The following SIN3A variants were observed in gnomAD, a reference collection of about 807,000 sequenced individuals.
SIN3A encodes paired amphipathic helix protein Sin3a.
In SIN3A, 14 loss-of-function variants were observed where a neutral mutation model predicts 146.1. The observed-to-expected ratio is 0.10, with a 90% CI of 0.06 to 0.15. The LOEUF is 0.15. Ranked by LOEUF, SIN3A falls within the 10% of genes least tolerant of loss-of-function variation. The probability of loss-of-function intolerance (pLI) is 1.00; values close to 1 mark genes in which losing one functional copy is unlikely to be tolerated. For missense variants in SIN3A, 1,028 were observed against 1,576.0 expected, an observed-to-expected ratio of 0.65 and a Z score of 5.89; for synonymous variants, 572 against 572.0, an observed-to-expected ratio of 1.00 and a Z score of 0.00.
rs781592368 is a variant in SIN3A, at chr15:75,440,478, C to T, written c.-33-10070G>A. ...AACTCCTGACCTCAAGTGATCTGCC[C>T]GCTTCAGCCACCCAAAGTGCTGGGA... On this transcript the variant is annotated intron_variant, in intron 1 of 20. Transcript: ENST00000394947. Among the ~76,000 whole-genome samples, 368 of 152,102 alleles carry T rather than the reference C, an allele frequency of 2.4e-3. 2 individuals carry two copies. Among genetic ancestry groups the T allele is most frequent in the Non-Finnish European group, 4.0e-3 (274 of 67,996 alleles).
At chr15:75,425,357 G>C (rs1275008477) in intron 2 of SIN3A, among the ~76,000 whole-genome samples, 1 of 152,134 alleles carries the variant, frequency 6.6e-6, no homozygotes, top group Non-Finnish European at 1.5e-5. Context: ...TTTTAGTAGA[G>C]ACAGGGTTTC....
chr15:75,428,756 G>A (rs185246262), intron 2 of SIN3A, among the ~76,000 whole-genome samples: 1 of 151,928 alleles, frequency 6.6e-6, no homozygotes, highest in Non-Finnish European at 1.5e-5. Context: ...TTCCAACTTC[G>A]CCAACTGTTG....
chr15:75,436,973 T>C (rs765038179), intron 1 of SIN3A, among the ~76,000 whole-genome samples: 15 of 152,158 alleles, frequency 9.9e-5, no homozygotes, highest in Non-Finnish European at 1.9e-4. Context: ...TTGCAGGCAA[T>C]AGTTATTTAC....
intron 1 of SIN3A, among the ~76,000 whole-genome samples, chr15:75,442,429 T>C (rs1468989197): frequency 6.7e-6 from 1 of 149,648 alleles, no homozygotes; most frequent in African/African-American, 2.5e-5. Flanking sequence ...CACCTCAGCC[T>C]CCCAAGAAGG....
rs745758382 is a variant in SIN3A at position 75,375,854 on chromosome 15, C to G, written c.3402G>C (p.Arg1134=). Residue 1134 remains arginine, a synonymous_variant, in exon 20 of 21, where the codon CGG becomes CGC. Transcript: ENST00000394947. Reference sequence around the variant, plus strand: ...GCTGCTCTCGACCACGTTGACACTTCCGGATCCGCCGTAGATTCCTATTGC... The same window carrying G: ...GCTGCTCTCGACCACGTTGACACTTGCGGATCCGCCGTAGATTCCTATTGC... The part of the protein sequence containing the change: ...VFLPRNLRRI[R]KCQRGREQQE... 1 of 1,614,076 alleles carries G rather than the reference C, an allele frequency of 6.2e-7. No homozygotes were observed. Among genetic ancestry groups the G allele is most frequent in the Admixed American group, 1.7e-5 (1 of 60,022 alleles).
intron 15 of SIN3A, 79 bp from the exon 16 acceptor site, chr15:75,389,900 C>A: frequency 7.1e-7 from 1 of 1,414,484 alleles, no homozygotes; most frequent in Non-Finnish European, 9.8e-7. Context: ...AATCCCACAG[C>A]TGGCCTAAAT....
chr15:75,386,745 T>G (rs1056823140), intron 16 of SIN3A, among the ~76,000 whole-genome samples: 1 of 152,168 alleles, frequency 6.6e-6, no homozygotes, highest in East Asian at 1.9e-4. Flanking sequence ...TGGTCCTATT[T>G]TGAGTTCTGT....
intron 1 of SIN3A, among the ~76,000 whole-genome samples, chr15:75,445,465 GA>G (rs2074289033): frequency 6.6e-6 from 1 of 150,474 alleles, no homozygotes; most frequent in Admixed American, 6.6e-5. Context: ...TAAGGCAGAA[GA>G]ATCACTTGAA....
intron 20 of SIN3A, among the ~76,000 whole-genome samples, chr15:75,375,411 G>A (rs768421433): frequency 5.9e-5 from 9 of 152,166 alleles, no homozygotes; most frequent in Admixed American, 2.0e-4. Flanking sequence ...GTCCCTCACA[G>A]TCCTCAAAAG....
chr15:75,444,053 G>C (rs1404631827), intron 1 of SIN3A, among the ~76,000 whole-genome samples: 1 of 152,086 alleles, frequency 6.6e-6, no homozygotes, highest in Non-Finnish European at 1.5e-5. Flanking sequence ...TAATTCCTAG[G>C]ATGATGAAAT....
At chr15:75,455,428 G>T (rs2074475456), upstream of SIN3A, among the ~76,000 whole-genome samples, 1 of 152,094 alleles carries the variant, frequency 6.6e-6, no homozygotes, top group African/African-American at 2.4e-5. Context: ...AGGAGTCGGG[G>T]GTCTCCTGCC....
intron 1 of SIN3A, chr15:75,443,777 G>A (rs1427586358): frequency 7.9e-5 from 12 of 152,130 alleles, no homozygotes; most frequent in African/African-American, 1.9e-4. Context: ...GAAGGGCTGC[G>A]GTGCACACCT....
intron 6 of SIN3A, 110 bp from the exon 7 acceptor site, chr15:75,410,396 A>T: frequency 8.9e-7 from 1 of 1,124,040 alleles, no homozygotes; most frequent in South Asian, 1.5e-5. Flanking sequence ...GTAAGAAGAA[A>T]GTCTATGTTC....
intron 2 of SIN3A, 168 bp downstream of exon 2, chr15:75,430,019 A>G: frequency 1.6e-6 from 1 of 609,188 alleles, no homozygotes; most frequent in Non-Finnish European, 2.8e-6. Context: ...TCATGACAAC[A>G]TTCTTTTTTT....
intron 3 of SIN3A, 117 bp downstream of exon 3, chr15:75,422,530 G>C (rs2073856596): frequency 1.7e-6 from 2 of 1,178,460 alleles, no homozygotes; most frequent in Middle Eastern, 1.9e-4. Context: ...GGTAAAACTT[G>C]TGATTCGACA....
intron 10 of SIN3A, among the ~76,000 whole-genome samples, chr15:75,401,554 TAA>T (rs1197313538): frequency 3.3e-5 from 5 of 151,990 alleles, no homozygotes; most frequent in African/African-American, 1.2e-4. Context: ...ATAATAATAA[TAA>T]TTTTTAAAAA....
intron 2 of SIN3A, among the ~76,000 whole-genome samples, chr15:75,423,280 AAAAAAGAAAGAAAAG>A (rs2073869529): frequency 6.6e-6 from 1 of 152,214 alleles, no homozygotes; most frequent in Non-Finnish European, 1.5e-5. Flanking sequence ...CGTCTCTAAA[AAAAAAGAAAGAAAAG>A]AAAAAGAAAG....
chr15:75,441,323 T>TA (rs966497766), intron 1 of SIN3A, among the ~76,000 whole-genome samples: 30 of 146,408 alleles, frequency 2.0e-4, no homozygotes, highest in Admixed American at 5.5e-4. Context: ...AAAAACAAAA[T>TA]AAAAAAAAAA....
intron 12 of SIN3A, among the ~76,000 whole-genome samples, chr15:75,398,627 G>A (rs894403240): frequency 6.6e-6 from 1 of 151,370 alleles, no homozygotes; most frequent in African/African-American, 2.4e-5. Flanking sequence ...GCAGTGAGCC[G>A]AGATCACACC....
Sources: gnomAD v4.1 joint callset for allele counts (sites outside exome capture counted in the v4.1 genomes callset) on GRCh38, gnomAD v4.1.1 for gene constraint, MANE v1.5 for transcripts, NCBI Gene and HGNC (gene_info 2026-07-23, HGNC 2026-07-21) for gene names.